Variants in CFI observed in about 807,000 individuals in gnomAD.
CFI encodes C3B/C4B inactivator.
A neutral mutation model predicts 78.8 loss-of-function variants in CFI; 66 were observed. The ratio of observed to expected loss-of-function variants is 0.84; its 90% CI spans 0.69 to 1.03. The LOEUF (loss-of-function observed/expected upper bound fraction) is 1.03, where lower values mean the gene tolerates loss of function less well. Among genes scored for constraint, CFI ranks in the 50% least tolerant of loss-of-function variants. The pLI is 0.00. For missense variants in CFI, 706 were observed against 704.5 expected (o/e 1.00, Z -0.02); for synonymous variants, 250 against 232.6 (o/e 1.07, Z -0.68).
At chr4:109,778,526 A>G (rs1729575823) in intron 1 of CFI, among the ~76,000 whole-genome samples, 1 of 152,218 alleles carries the variant, frequency 6.6e-6, no homozygotes, top group African/African-American at 2.4e-5. Context: ...GACCAGACAG[A>G]TTCACAGCCA....
chr4:109,735,709 G>A (rs372735836), downstream of CFI, among the ~76,000 whole-genome samples: 25 of 152,298 alleles, frequency 1.6e-4, no homozygotes, highest in African/African-American at 4.8e-4. Context: ...CCAATGTCGC[G>A]GGAATCAGGC....
intron 1 of CFI, among the ~76,000 whole-genome samples, chr4:109,780,322 A>G (rs913559906): frequency 2.6e-5 from 4 of 152,194 alleles, no homozygotes; most frequent in African/African-American, 9.6e-5. Context: ...AAACCCCATC[A>G]AAAAGTGGTC....
chr4:109,766,921 A>T (rs1243902663), intron 1 of CFI, 97 bp from the exon 2 acceptor site: 111 of 1,210,700 alleles, frequency 9.2e-5, no homozygotes, highest in Non-Finnish European at 1.2e-4. Context: ...GATACAGCCC[A>T]CAGTACAGAT....
intron 1 of CFI, chr4:109,794,390 CTA>C (rs1731780565): frequency 6.6e-6 from 1 of 152,142 alleles, no homozygotes; most frequent in Admixed American, 6.5e-5. Flanking sequence ...AGTTTGTTGA[CTA>C]TTTCTTCTGC....
chr4:109,774,400 G>A (rs1454571095), intron 1 of CFI, among the ~76,000 whole-genome samples: 1 of 148,982 alleles, frequency 6.7e-6, no homozygotes, highest in African/African-American at 2.6e-5. Context: ...ACCTGAAGGT[G>A]AGGGAGCAAG....
chr4:109,771,596 C>A (rs57319600), intron 1 of CFI, among the ~76,000 whole-genome samples: 12,971 of 150,392 alleles, frequency 0.086, 1,189 homozygotes, highest in African/African-American at 0.23. Context: ...TGCCTGTAAT[C>A]CCAGCTACTC....
At chr4:109,778,704 C>G (rs1729601729) in intron 1 of CFI, among the ~76,000 whole-genome samples, 1 of 152,176 alleles carries the variant, frequency 6.6e-6, no homozygotes, top group Non-Finnish European at 1.5e-5. Flanking sequence ...ACCAATATCC[C>G]TGAGGAATAC....
Position 109,746,253 on chromosome 4 carries a change from T to G in CFI, c.1398A>C (p.Thr466=), listed in dbSNP as rs766794853. The G allele has an allele frequency of 3.7e-6, 6 of 1,614,032 alleles. No homozygotes were observed. Among genetic ancestry groups the G allele is most frequent in the Non-Finnish European group, 5.1e-6 (6 of 1,180,024 alleles). ...CTCGTCCCCAGCCAGAAACGATGCATGTATCATTAGGTTGGAATAGGTAAG... is the reference window on the plus strand; with the variant it reads ...CTCGTCCCCAGCCAGAAACGATGCAGGTATCATTAGGTTGGAATAGGTAAG... The part of the protein sequence containing the change: ...WSPYLFQPND[T]CIVSGWGREK... The change falls in exon 11 of 13, where the codon ACA becomes ACC. Residue 466 remains threonine, a synonymous_variant. Transcript: ENST00000394634.
intron 1 of CFI, among the ~76,000 whole-genome samples, chr4:109,784,849 C>T (rs1487289541): frequency 1.3e-5 from 2 of 151,858 alleles, no homozygotes; most frequent in South Asian, 2.1e-4. Context: ...GCCATCATAT[C>T]TCCTGTGACC....
chr4:109,773,377 A>G (rs1341677459), intron 1 of CFI, among the ~76,000 whole-genome samples: 4 of 152,142 alleles, frequency 2.6e-5, no homozygotes, highest in Non-Finnish European at 5.9e-5. Context: ...TTAGCGGGGC[A>G]TGGTGGCGTG....
At chr4:109,764,278 T>G in intron 3 of CFI, 1 of 523,422 alleles carries the variant, frequency 1.9e-6, no homozygotes. Flanking sequence ...GAAATGAATG[T>G]GTTTGTGACT....
At chr4:109,754,431 CTTCT>C (rs1228364193) in intron 7 of CFI, among the ~76,000 whole-genome samples, 2 of 125,232 alleles carry the variant, frequency 1.6e-5, no homozygotes, top group African/African-American at 5.8e-5. Context: ...AAAAAAGAAT[CTTCT>C]TTTTTTTTTT....
chr4:109,781,376 A>G (rs1730010694), intron 1 of CFI, among the ~76,000 whole-genome samples: 1 of 152,178 alleles, frequency 6.6e-6, no homozygotes, highest in Non-Finnish European at 1.5e-5. Context: ...CAAGGCTACT[A>G]TGAACATCTT....
At chr4:109,741,621 G>A (rs1723805621) in intron 12 of CFI, among the ~76,000 whole-genome samples, 1 of 152,164 alleles carries the variant, frequency 6.6e-6, no homozygotes. Context: ...ACACCTCAGA[G>A]CTTGTCCTCT....
the CFI span, among the ~76,000 whole-genome samples, chr4:109,731,560 T>G: frequency 2.0e-5 from 3 of 152,210 alleles, no homozygotes; most frequent in African/African-American, 7.2e-5. Flanking sequence ...TTCAGAACAC[T>G]ACTTTACAAG....
chr4:109,744,924 G>A (rs2126184157), intron 11 of CFI, among the ~76,000 whole-genome samples: 1 of 152,184 alleles, frequency 6.6e-6, no homozygotes, highest in Non-Finnish European at 1.5e-5. Flanking sequence ...ACAAGTATAA[G>A]GACACAATAC....
chr4:109,744,400 C>T (rs1724166857), intron 11 of CFI, among the ~76,000 whole-genome samples: 2 of 152,256 alleles, frequency 1.3e-5, no homozygotes, highest in South Asian at 4.2e-4. Flanking sequence ...GACCATTCTC[C>T]ACCCTTCAAT....
At chr4:109,792,536 G>A (rs555093623) in intron 1 of CFI, among the ~76,000 whole-genome samples, 1 of 152,126 alleles carries the variant, frequency 6.6e-6, no homozygotes, top group South Asian at 2.1e-4. Flanking sequence ...CTGCATTCCA[G>A]CCTGGATGAC....
intron 3 of CFI, among the ~76,000 whole-genome samples, chr4:109,763,033 C>G (rs1478375495): frequency 6.6e-6 from 1 of 152,054 alleles, no homozygotes; most frequent in East Asian, 1.9e-4. Context: ...CACTAATGAA[C>G]TACTAGCAGA....
Sources: allele counts gnomAD v4.1 joint callset (sites outside exome capture counted in the v4.1 genomes callset), GRCh38; gene constraint gnomAD v4.1.1; transcripts MANE v1.5; gene names NCBI Gene and HGNC (gene_info 2026-07-23, HGNC 2026-07-21).